ITLN2: variants seen among roughly 807,000 people sequenced by gnomAD.
ITLN2 encodes intelectin 2.
Under a neutral mutation model 39.4 loss-of-function variants are expected in ITLN2, and 29 were observed. The observed-to-expected ratio is 0.74, with a 90% CI of 0.55 to 1.00. The LOEUF is 1.00. Among genes scored for constraint, ITLN2 ranks in the 50% least tolerant of loss-of-function variants. ITLN2 has a pLI of 0.00. For synonymous variants in ITLN2, 156 were observed against 153.4 expected (o/e 1.02, Z -0.12); for missense variants, 412 against 416.7 (o/e 0.99, Z 0.10).
chr1:160,952,725 A>G lies in ITLN2; in HGVS notation c.88T>C (p.Ser30Pro). The G allele has an allele frequency of 6.2e-7, 1 of 1,612,614 alleles. No homozygotes were observed. The highest frequency in any genetic ancestry group is 8.5e-7 in the Non-Finnish European group (1 of 1,178,902). The change falls in exon 3 of 8, where the codon TCT becomes CCT. Residue 30 changes from serine to proline, a missense_variant. Physicochemically the swap from Ser to Pro is moderately conservative, Grantham distance 74. Transcript: ENST00000368029. ...ATSGCSAAAA[S>P]SLEMLSREFE... ...TCCCTCGAGAGCATCTCAAGAGAAGAGGCTGCTGCTAGAAAATGTGAGAAT... is the reference window on the plus strand; with the variant it reads ...TCCCTCGAGAGCATCTCAAGAGAAGGGGCTGCTGCTAGAAAATGTGAGAAT...
intron 7 of ITLN2, among the ~76,000 whole-genome samples, chr1:160,946,717 A>G (rs995779739): frequency 4.7e-5 from 7 of 148,660 alleles, no homozygotes; most frequent in South Asian, 2.1e-4. Context: ...TGTCTCAAAG[A>G]AAAAAAAAAA....
Position 160,945,437 on chromosome 1 carries a change from A to G in ITLN2, c.826-145T>C, listed in dbSNP as rs552077929. The stretch of plus-strand genomic sequence containing the variant: ...GCTAGGATTACAGGTGTGAGCTACC[A>G]CACCTGGCCCTATGCATGTATTTTA... On this transcript the variant is annotated intron_variant, in intron 7 of 7. Coordinates refer to ENST00000368029, the MANE Select transcript of ITLN2 (RefSeq NM_080878.3). The G allele has an allele frequency of 1.7e-5, 11 of 637,978 alleles. No individual in the cohort carries two copies. In the African/African-American group the frequency reaches 1.9e-4, roughly 11 times the overall value. The allele number at this position is 637,978 out of a possible 1,614,324, so 39.5% of individuals were successfully genotyped here. A position where few individuals can be genotyped will look rare whatever the true frequency, so the allele number is the denominator to read the frequency against.
intron 7 of ITLN2, among the ~76,000 whole-genome samples, chr1:160,946,606 G>A (rs545470706): frequency 8.7e-5 from 13 of 150,286 alleles, no homozygotes; most frequent in East Asian, 4.0e-4. Context: ...CCAGCAACTC[G>A]GGAGGCTGAG....
At chr1:160,951,563 G>C in intron 3 of ITLN2, 1 of 385,330 alleles carries the variant, frequency 2.6e-6, no homozygotes. Flanking sequence ...GTGCCACCCT[G>C]TGGCCAGGAG....
Position 160,950,698 on chromosome 1 carries a change from T to C in ITLN2, c.455A>G (p.Tyr152Cys). Reference protein sequence around the residue: ...TSDDYKNPGYYDIQAKDLGIW... With the variant: ...TSDDYKNPGYCDIQAKDLGIW... The stretch of plus-strand genomic sequence containing the variant: ...GCCCAGGTCCTTGGCCTGGATGTCG[T>C]AGTAGCCAGGGTTCTGGAAAGCAAC... Residue 152 changes from tyrosine (Y) to cysteine (C), a missense_variant, in exon 5 of 8, where the codon TAC becomes TGC. Physicochemically the swap from Tyr to Cys is radical, Grantham distance 194. Transcript: ENST00000368029. 1.2e-6 allele frequency: 2 copies of C among 1,613,128 alleles called. No homozygotes were observed. The highest frequency in any genetic ancestry group is 2.2e-5 in the East Asian group (1 of 44,890).
chr1:160,947,043 C>T (rs991720528), intron 7 of ITLN2, among the ~76,000 whole-genome samples: 1 of 152,160 alleles, frequency 6.6e-6, no homozygotes, highest in Non-Finnish European at 1.5e-5. Context: ...ATACGGAGGA[C>T]CTGCTCCGGT....
rs1050180489 is a variant in ITLN2, at chr1:160,952,480, C to T, written c.193+140G>A. ...AATGGGACACAAAAGCCTCAAAATTCCCACTAGAAACCTCCTTGAGTAGGA... is the reference window on the plus strand; with the variant it reads ...AATGGGACACAAAAGCCTCAAAATTTCCACTAGAAACCTCCTTGAGTAGGA... On this transcript the variant is annotated intron_variant, in intron 3 of 7. Coordinates refer to ENST00000368029, the MANE Select transcript of ITLN2 (RefSeq NM_080878.3). 3 of 603,236 alleles carry T rather than the reference C, an allele frequency of 5.0e-6. No individual in the cohort carries two copies. The African/African-American group carries it at 5.6e-5, about 11-fold the overall frequency. 37.4% of individuals were successfully genotyped at this position (603,236 alleles called of 1,614,324 possible). A position where few individuals can be genotyped will look rare whatever the true frequency, so the allele number is the denominator to read the frequency against.
chr1:160,950,997 A>G, intron 4 of ITLN2, 46 bp downstream of exon 4: 2 of 1,613,708 alleles, frequency 1.2e-6, no homozygotes, highest in South Asian at 1.1e-5. Context: ...GGCCAGCCAC[A>G]CTCCACACCT....
At chr1:160,946,155 A>T (rs1671594900) in intron 7 of ITLN2, among the ~76,000 whole-genome samples, 1 of 151,752 alleles carries the variant, frequency 6.6e-6, no homozygotes, top group African/African-American at 2.4e-5. Context: ...CTAAAAATAC[A>T]AAAAAATTAG....
intron 7 of ITLN2, among the ~76,000 whole-genome samples, chr1:160,945,763 T>G (rs1171340040): frequency 6.6e-6 from 1 of 152,132 alleles, no homozygotes; most frequent in African/African-American, 2.4e-5. Context: ...CCCTTGTTCT[T>G]GATGGCTCTG....
rs928436535 is a variant in ITLN2, at chr1:160,954,238, G to A, written c.79+149C>T. 7.8e-6 allele frequency: 5 copies of A among 638,134 alleles called. No individual in the cohort carries two copies. In the Admixed American group the frequency reaches 1.5e-4, roughly 19 times the overall value. The allele number at this position is 638,134 out of a possible 1,614,324, so 39.5% of individuals were successfully genotyped here. A position where few individuals can be genotyped will look rare whatever the true frequency, so the allele number is the denominator to read the frequency against. On this transcript the variant is annotated intron_variant, in intron 2 of 7. Transcript: ENST00000368029. The stretch of plus-strand genomic sequence containing the variant: ...AATCAGCACCCAGTCCACACCTCAA[G>A]TTGGCTGCCTAGCCTGGGTTCCCTG...
intron 7 of ITLN2, 86 bp from the exon 8 acceptor site, chr1:160,945,378 C>T: frequency 7.8e-7 from 1 of 1,289,038 alleles, no homozygotes; most frequent in Non-Finnish European, 1.0e-6. Flanking sequence ...AACTCCAGAC[C>T]TCAAGTTATC....
intron 3 of ITLN2, 111 bp downstream of exon 3, chr1:160,952,509 G>T: frequency 1.4e-6 from 1 of 704,070 alleles, no homozygotes. Flanking sequence ...AGTAGGAGCT[G>T]GGGGCAGAAC....
intron 6 of ITLN2, chr1:160,949,224 C>T (rs1671678154): frequency 6.6e-6 from 1 of 152,172 alleles, no homozygotes; most frequent in Middle Eastern, 3.2e-3. Flanking sequence ...AGGTGGTTTT[C>T]TCCTATCTCA....
At chr1:160,952,857 T>A in intron 2 of ITLN2, 124 bp from the exon 3 acceptor site, 1 of 688,300 alleles carries the variant, frequency 1.5e-6, no homozygotes, top group Non-Finnish European at 2.5e-6. Flanking sequence ...AGGGATTCCC[T>A]ATGCTAAGAC....
At chr1:160,946,482 C>T (rs574005166) in intron 7 of ITLN2, among the ~76,000 whole-genome samples, 4 of 152,078 alleles carry the variant, frequency 2.6e-5, no homozygotes, top group South Asian at 2.1e-4. Context: ...GAGGCCGAGA[C>T]GGGCGGATCA....
intron 6 of ITLN2, chr1:160,948,616 C>T (rs1671660121): frequency 6.7e-6 from 1 of 149,594 alleles, no homozygotes; most frequent in African/African-American, 2.5e-5. Flanking sequence ...TCCTGTGAAC[C>T]TCAGTGTGCA....
chr1:160,950,288 T>C, intron 5 of ITLN2, 122 bp from the exon 6 acceptor site: 1 of 1,100,086 alleles, frequency 9.1e-7, no homozygotes, highest in Non-Finnish European at 1.3e-6. Flanking sequence ...AGTGACTGCT[T>C]TTCCCCATAG....
At chr1:160,948,695 C>G (rs529886662) in intron 6 of ITLN2, 47 of 149,194 alleles carry the variant, frequency 3.2e-4, no homozygotes, top group African/African-American at 1.1e-3. Flanking sequence ...GGTGTGAACT[C>G]AGCTCACCGC....
Sources: allele counts gnomAD v4.1 joint callset (sites outside exome capture counted in the v4.1 genomes callset), GRCh38; gene constraint gnomAD v4.1.1; transcripts MANE v1.5; gene names NCBI Gene and HGNC (gene_info 2026-07-23, HGNC 2026-07-21).